Variants in RAD17 observed in about 807,000 individuals in gnomAD.
RAD17 encodes cell cycle checkpoint protein RAD17.
In RAD17, 31 loss-of-function variants were observed where a neutral mutation model predicts 81.5. That is an observed-to-expected ratio of 0.38 (90% CI 0.29 to 0.51). The LOEUF is 0.51. RAD17 is among the 20% of genes least tolerant of loss of function. The pLI is 0.88. For missense variants in RAD17, 681 were observed against 781.2 expected, an observed-to-expected ratio of 0.87 and a Z score of 1.53; for synonymous variants, 261 against 266.2, an observed-to-expected ratio of 0.98 and a Z score of 0.19.
chr5:69,394,473 T>A (rs1031319219), intron 15 of RAD17, among the ~76,000 whole-genome samples: 6 of 152,236 alleles, frequency 3.9e-5, no homozygotes, highest in Admixed American at 3.9e-4. Flanking sequence ...TGCTAGTTTT[T>A]AAAATTTATT....
chr5:69,414,347 G>A lies in RAD17; in HGVS notation c.*55G>A. 6.4e-7 allele frequency: 1 copy of A among 1,556,188 alleles called. No individual in the cohort carries two copies. Among genetic ancestry groups the A allele is most frequent in the African/African-American group, 1.4e-5 (1 of 73,360 alleles). On this transcript the variant is annotated 3_prime_UTR_variant, in exon 19 of 19. Coordinates refer to ENST00000354868, the MANE Select transcript of RAD17 (RefSeq NM_133338.3). ...CACAGCTTCATTTTTGTTTCATTCAGTGGTACTTCAGCAGAGTTAATATGC... is the reference window on the plus strand; with the variant it reads ...CACAGCTTCATTTTTGTTTCATTCAATGGTACTTCAGCAGAGTTAATATGC...
chr5:69,401,547 A>AT (rs1192330862), intron 17 of RAD17, among the ~76,000 whole-genome samples: 1 of 152,214 alleles, frequency 6.6e-6, no homozygotes, highest in Non-Finnish European at 1.5e-5. Flanking sequence ...AAACATTACT[A>AT]TGCCTGTGGC....
chr5:69,395,123 A>G (rs2150842285), intron 15 of RAD17, among the ~76,000 whole-genome samples: 1 of 152,372 alleles, frequency 6.6e-6, no homozygotes, highest in Non-Finnish European at 1.5e-5. Context: ...TTTATGTTAT[A>G]GAGCTTCATT....
intron 6 of RAD17, among the ~76,000 whole-genome samples, chr5:69,378,468 T>G (rs1207633822): frequency 6.6e-6 from 1 of 152,258 alleles, no homozygotes; most frequent in African/African-American, 2.4e-5. Flanking sequence ...GAGAAAAATG[T>G]ATAATGCCTG....
At chr5:69,380,403 T>C (rs1763779388) in intron 6 of RAD17, among the ~76,000 whole-genome samples, 1 of 152,188 alleles carries the variant, frequency 6.6e-6, no homozygotes, top group African/African-American at 2.4e-5. Flanking sequence ...ATTTTTCAGC[T>C]CCATTATAAT....
intron 3 of RAD17, 142 bp from the exon 4 acceptor site, chr5:69,371,892 A>T: frequency 2.5e-6 from 1 of 401,238 alleles, no homozygotes; most frequent in Non-Finnish European, 4.2e-6. Context: ...GTGAGTTCTC[A>T]GCAAGATAGG....
chr5:69,396,278 ATGT>A, intron 15 of RAD17, 116 bp from the exon 16 acceptor site: 1 of 1,040,690 alleles, frequency 9.6e-7, no homozygotes, highest in Admixed American at 2.6e-5. Context: ...GGCTGTAGTG[ATGT>A]TGAAGAAAGT....
intron 17 of RAD17, among the ~76,000 whole-genome samples, chr5:69,407,827 CA>C (rs912374384): frequency 6.6e-6 from 1 of 152,150 alleles, no homozygotes; most frequent in African/African-American, 2.4e-5. Context: ...GCTGGGATTA[CA>C]AGCATGAGCT....
chr5:69,371,922 T>G, intron 3 of RAD17, 112 bp from the exon 4 acceptor site: 1 of 484,634 alleles, frequency 2.1e-6, no homozygotes, highest in South Asian at 6.1e-5. Context: ...GGGATGGGGG[T>G]CAGACAGTTT....
chr5:69,413,113 T>G (rs1766113905), intron 18 of RAD17, among the ~76,000 whole-genome samples: 1 of 152,206 alleles, frequency 6.6e-6, no homozygotes, highest in Non-Finnish European at 1.5e-5. Context: ...TGCCCATTTT[T>G]CTATTTCATT....
At position 69,374,682 on chromosome 5, in the gene RAD17, G is replaced by C. The variant is rs1057454940; in HGVS notation, c.322G>C (p.Ala108Pro). ...KIEEVETWLK[A>P]QVLERQPKQG... is the part of the protein sequence containing the mutation. ...TGAAGAAGTCGAAACCTGGTTAAAA[G>C]CTCAAGTTTTAGAAAGGCAACCAAA... Residue 108 changes from alanine to proline, a missense_variant, in exon 6 of 19, where the codon GCT becomes CCT. Physicochemically the swap from Ala to Pro is conservative, Grantham distance 27. Transcript: ENST00000354868. 6 of 1,611,970 alleles carry C rather than the reference G, an allele frequency of 3.7e-6. No individual in the cohort carries two copies. The highest frequency in any genetic ancestry group is 3.4e-5 in the Admixed American group (2 of 59,620).
intron 8 of RAD17, among the ~76,000 whole-genome samples, chr5:69,385,299 C>G (rs953862327): frequency 1.6e-5 from 2 of 126,028 alleles, no homozygotes; most frequent in African/African-American, 5.8e-5. Flanking sequence ...GACAGAGTCT[C>G]TCTTTAACCC....
At chr5:69,387,662 A>C (rs111610772) in intron 11 of RAD17, among the ~76,000 whole-genome samples, 48 of 152,312 alleles carry the variant, frequency 3.2e-4, no homozygotes, top group African/African-American at 1.1e-3. Context: ...GTTCATGACC[A>C]GCCTGGCCAA....
intron 15 of RAD17, among the ~76,000 whole-genome samples, chr5:69,395,057 A>G (rs1209918933): frequency 6.6e-6 from 1 of 152,238 alleles, no homozygotes; most frequent in African/African-American, 2.4e-5. Flanking sequence ...GTCTCAAAAA[A>G]TTAAAAAATT....
At position 69,410,051 on chromosome 5, in the gene RAD17, C is replaced by A. The variant is rs543636376; in HGVS notation, c.1694-442C>A. Among the ~76,000 whole-genome samples the A allele has an allele frequency of 7.9e-5, 12 of 152,290 alleles. No individual in the cohort carries two copies. In the South Asian group the frequency reaches 2.5e-3, roughly 32 times the overall value. Reference sequence around the variant, plus strand: ...TATATACCATATTTGGTTATCCATTCATCTGTTGATGGACACTTGGGTTGC... The same window carrying A: ...TATATACCATATTTGGTTATCCATTAATCTGTTGATGGACACTTGGGTTGC... On this transcript the variant is annotated intron_variant, in intron 17 of 18. Transcript: ENST00000354868.
chr5:69,405,116 C>T lies in RAD17; in HGVS notation c.1693+4947C>T, dbSNP rs369975955. The stretch of plus-strand genomic sequence containing the variant: ...TTACCAAAAGATAAATGATAACAAA[C>T]GTTGGCTAGGGTGTGGAGAAAAGGG... On this transcript the variant is annotated intron_variant, in intron 17 of 18. Transcript: ENST00000354868. Among the ~76,000 whole-genome samples the T allele has an allele frequency of 1.2e-4, 19 of 152,206 alleles. No individual in the cohort carries two copies. In the East Asian group the frequency reaches 1.9e-3, roughly 15 times the overall value.
Position 69,371,441 on chromosome 5 carries a change from C to CG in RAD17, c.-279-13_-279-12insG. ...TTCTTCATTTGAGGGCTTCTTCCCCCCCCCCCCCCCAGGTGAATTATAGTT... is the reference window on the plus strand; with the variant it reads ...TTCTTCATTTGAGGGCTTCTTCCCCCGCCCCCCCCCCAGGTGAATTATAGTT... On this transcript the variant is annotated splice_polypyrimidine_tract_variant and intron_variant, in intron 2 of 18. Transcript: ENST00000354868. The CG allele has an allele frequency of 3.2e-6, 1 of 308,702 alleles. No individual in the cohort carries two copies. The highest frequency in any genetic ancestry group is 5.6e-5 in the Admixed American group (1 of 17,884). 19.1% of individuals were successfully genotyped at this position (308,702 alleles called of 1,614,324 possible).
At chr5:69,369,461 A>G (rs140150169), upstream of RAD17, 49 of 1,610,080 alleles carry the variant, frequency 3.0e-5, no homozygotes, top group African/African-American at 6.6e-4. Context: ...GCGCGCCCTG[A>G]CCGGTGAGCA....
intron 7 of RAD17, among the ~76,000 whole-genome samples, chr5:69,384,410 T>C (rs928443488): frequency 5.3e-5 from 8 of 152,004 alleles, no homozygotes; most frequent in African/African-American, 1.7e-4. Flanking sequence ...GGGCTCAAGC[T>C]ATTACCCCCA....
Sources: gnomAD v4.1 joint callset for allele counts (sites outside exome capture counted in the v4.1 genomes callset) on GRCh38, gnomAD v4.1.1 for gene constraint, MANE v1.5 for transcripts, NCBI Gene and HGNC (gene_info 2026-07-23, HGNC 2026-07-21) for gene names.